The following PAN3 variants were observed in gnomAD, a reference collection of about 807,000 sequenced individuals.
PAN3 encodes poly(A) specific ribonuclease subunit PAN3.
PAN3 carries 19 observed loss-of-function variants against 96.2 expected under a neutral mutation model. The ratio of observed to expected loss-of-function variants is 0.20; its 90% CI spans 0.14 to 0.29. PAN3 has a LOEUF of 0.29. PAN3 is among the 10% of genes least tolerant of loss of function. PAN3 has a pLI of 1.00. For synonymous variants in PAN3, 433 were observed against 406.6 expected, an observed-to-expected ratio of 1.06 and a Z score of -0.78; for missense variants, 882 against 1,108.1, an observed-to-expected ratio of 0.80 and a Z score of 2.90.
At chr13:28,290,256 A>T (rs1869580746) in intron 18 of PAN3, among the ~76,000 whole-genome samples, 1 of 152,240 alleles carries the variant, frequency 6.6e-6, no homozygotes, top group Non-Finnish European at 1.5e-5. Context: ...GTAGCACATG[A>T]TTTAGAACTA....
rs773169905 is a variant in PAN3 at position 28,267,397 on chromosome 13, G to C, written c.1788G>C (p.Lys596Asn). 5.0e-6 allele frequency: 8 copies of C among 1,612,178 alleles called. No homozygotes were observed. Among genetic ancestry groups the C allele is most frequent in the Non-Finnish European group, 6.8e-6 (8 of 1,178,418 alleles). The change falls in exon 12 of 19, where the codon AAG (lysine) becomes AAC (asparagine). Residue 596 changes from lysine (K) to asparagine (N), a missense_variant. This residue lies in a region of PAN3 where 364 missense variants were observed against 513.6 expected (regional missense o/e 0.71). Transcript: ENST00000380958. ...PNADAYFTKR[K>N]WGQHEGPLPR... ...CTGATGCCTACTTCACCAAGAGAAA[G>C]TGGGGTAAGAAAAAGATGCAGGCAA... is the stretch of plus-strand genomic sequence containing the variant.
At chr13:28,257,950 A>G (rs551325323) in intron 7 of PAN3, among the ~76,000 whole-genome samples, 1 of 151,658 alleles carries the variant, frequency 6.6e-6, no homozygotes, top group African/African-American at 2.4e-5. Flanking sequence ...AGCTGGGACT[A>G]CAGACGCACA....
At chr13:28,205,741 G>A (rs535187609) in intron 5 of PAN3, among the ~76,000 whole-genome samples, 33 of 151,898 alleles carry the variant, frequency 2.2e-4, no homozygotes, top group African/African-American at 7.7e-4. Context: ...TATTCAGGAG[G>A]CAGAGGCAAG....
At chr13:28,272,100 T>G (rs1376926031) in intron 14 of PAN3, 29 bp downstream of exon 14, 1 of 1,405,186 alleles carries the variant, frequency 7.1e-7, no homozygotes, top group Non-Finnish European at 9.8e-7. Context: ...GGATATTTAC[T>G]TGTTTTCCTT....
intron 1 of PAN3, among the ~76,000 whole-genome samples, chr13:28,141,462 C>CGT (rs1869813185): frequency 1.1e-5 from 1 of 90,350 alleles, no homozygotes; most frequent in Non-Finnish European, 2.2e-5. Context: ...TTCTTTTTTT[C>CGT]TTTTTTTTTT....
intron 18 of PAN3, among the ~76,000 whole-genome samples, chr13:28,289,980 C>T (rs1366082615): frequency 2.0e-5 from 3 of 152,238 alleles, no homozygotes; most frequent in African/African-American, 7.2e-5. Context: ...AAGTTTAGAA[C>T]TGGTCTCCAG....
intron 6 of PAN3, among the ~76,000 whole-genome samples, chr13:28,241,849 T>TA (rs1283027592): frequency 1.3e-5 from 2 of 152,100 alleles, no homozygotes; most frequent in African/African-American, 4.8e-5. Context: ...AAGCCCCAGA[T>TA]ATTGGCCTTG....
At chr13:28,213,834 G>T (rs1880376330) in intron 5 of PAN3, among the ~76,000 whole-genome samples, 1 of 151,998 alleles carries the variant, frequency 6.6e-6, no homozygotes, top group Admixed American at 6.6e-5. Flanking sequence ...GATATAAAAT[G>T]GCAAATAAGT....
At chr13:28,168,538 G>T (rs1039021377) in intron 1 of PAN3, among the ~76,000 whole-genome samples, 1 of 152,146 alleles carries the variant, frequency 6.6e-6, no homozygotes, top group South Asian at 2.1e-4. Context: ...GGCCAACATG[G>T]TGAAACTTTG....
At chr13:28,141,462 CTTTTTTTTTTTTTT>C (rs759736683) in intron 1 of PAN3, among the ~76,000 whole-genome samples, 63 of 90,320 alleles carry the variant, frequency 7.0e-4, no homozygotes, top group Admixed American at 5.1e-3. Flanking sequence ...TTCTTTTTTT[CTTTTTTTTTTTTTT>C]TTTTTTTTGA....
intron 18 of PAN3, among the ~76,000 whole-genome samples, chr13:28,290,305 C>T (rs1254318601): frequency 2.0e-5 from 3 of 152,164 alleles, no homozygotes; most frequent in Non-Finnish European, 2.9e-5. Context: ...GAAAATGTTA[C>T]GGTTTGTTTT....
chr13:28,145,386 G>A (rs1870497509), intron 1 of PAN3, among the ~76,000 whole-genome samples: 1 of 152,028 alleles, frequency 6.6e-6, no homozygotes, highest in South Asian at 2.1e-4. Flanking sequence ...GTGCAGTGGT[G>A]TGATCTCTGC....
chr13:28,165,180 A>G (rs1424360861), intron 1 of PAN3, among the ~76,000 whole-genome samples: 1 of 152,238 alleles, frequency 6.6e-6, no homozygotes, highest in Non-Finnish European at 1.5e-5. Context: ...TGCTGGGATT[A>G]CAGGCGTGAG....
At chr13:28,257,691 A>AATATATATTATATATATTATATATAATAT (rs1885264924) in intron 7 of PAN3, among the ~76,000 whole-genome samples, 2 of 140,160 alleles carry the variant, frequency 1.4e-5, no homozygotes, top group African/African-American at 2.7e-5. Context: ...AAATTATATA[A>AATATATATTATATATATTATATATAATAT]ATATATATTA....
At chr13:28,151,079 A>G (rs1871302835) in intron 1 of PAN3, among the ~76,000 whole-genome samples, 1 of 152,200 alleles carries the variant, frequency 6.6e-6, no homozygotes, top group Non-Finnish European at 1.5e-5. Context: ...GGAGAATGAT[A>G]GCCAAGCCAG....
chr13:28,198,650 TG>T (rs1447739848), intron 5 of PAN3, among the ~76,000 whole-genome samples: 3 of 152,228 alleles, frequency 2.0e-5, no homozygotes, highest in Non-Finnish European at 4.4e-5. Context: ...ATAATTATTC[TG>T]TAATATTGTT....
At chr13:28,194,450 G>GTATATATATA (rs1372227182) in intron 4 of PAN3, among the ~76,000 whole-genome samples, 28 of 100,052 alleles carry the variant, frequency 2.8e-4, no homozygotes, top group African/African-American at 1.2e-3. Context: ...ATATATGTAT[G>GTATATATATA]TATATATATA....
intron 1 of PAN3, among the ~76,000 whole-genome samples, chr13:28,154,191 A>T (rs989813727): frequency 2.0e-5 from 3 of 152,182 alleles, no homozygotes; most frequent in Non-Finnish European, 4.4e-5. Context: ...CACTCCCCAG[A>T]ATCAGCTGTT....
At chr13:28,142,981 C>G (rs1414821294) in intron 1 of PAN3, among the ~76,000 whole-genome samples, 2 of 152,156 alleles carry the variant, frequency 1.3e-5, no homozygotes, top group Non-Finnish European at 2.9e-5. Flanking sequence ...GAGGTGGGTG[C>G]ATGAGAAAAC....
Sources: allele counts gnomAD v4.1 joint callset (sites outside exome capture counted in the v4.1 genomes callset), GRCh38; gene constraint gnomAD v4.1.1; regional missense constraint gnomAD v4.1.1; transcripts MANE v1.5; gene names NCBI Gene and HGNC (gene_info 2026-07-23, HGNC 2026-07-21).